The following METTL4 variants were observed in gnomAD, a reference collection of about 807,000 sequenced individuals.
METTL4 encodes methyltransferase 4, N6-adenosine, also known as N(6)-adenine-specific methyltransferase METTL4.
A neutral mutation model predicts 54.0 loss-of-function variants in METTL4; 40 were observed. That is an observed-to-expected ratio of 0.74 (90% confidence interval 0.58 to 0.96). The LOEUF (loss-of-function observed/expected upper bound fraction) is 0.96, where lower values mean the gene tolerates loss of function less well. Among genes scored for constraint, METTL4 ranks in the 50% least tolerant of loss-of-function variants. METTL4 has a pLI of 0.00. For missense variants in METTL4, 525 were observed against 549.0 expected, an observed-to-expected ratio of 0.96 and a Z score of 0.44; for synonymous variants, 169 against 183.8, an observed-to-expected ratio of 0.92 and a Z score of 0.65.
At chr18:2,557,180 G>C (rs2072251240) in intron 3 of METTL4, among the ~76,000 whole-genome samples, 1 of 152,056 alleles carries the variant, frequency 6.6e-6, no homozygotes, top group African/African-American at 2.4e-5. Context: ...ATATCAGAGA[G>C]GAAAGGGCTC....
At position 2,538,948 on chromosome 18, in the gene METTL4, G is replaced by T; in HGVS notation, c.*52C>A. On this transcript the variant is annotated 3_prime_UTR_variant, in exon 9 of 9. Transcript: ENST00000574538. ...ATAAAAAAATGACTTAGAATTAAGGGAAAAGTGGTGAGGAAACAATGAAGA... is the reference window on the plus strand; with the variant it reads ...ATAAAAAAATGACTTAGAATTAAGGTAAAAGTGGTGAGGAAACAATGAAGA... 7 of 1,567,566 alleles carry T rather than the reference G, an allele frequency of 4.5e-6. No individual in the cohort carries two copies. Among genetic ancestry groups the T allele is most frequent in the Non-Finnish European group, 6.1e-6 (7 of 1,153,320 alleles).
At chr18:2,544,577 G>A in intron 7 of METTL4, 76 bp downstream of exon 7, 1 of 963,300 alleles carries the variant, frequency 1.0e-6, no homozygotes. Context: ...ATTTTAAAAA[G>A]TCAATGATTA....
Position 2,547,545 on chromosome 18 carries a change from A to C in METTL4, c.900-16T>G, listed in dbSNP as rs763459238. On this transcript the variant is annotated splice_polypyrimidine_tract_variant and intron_variant, in intron 5 of 8. Transcript: ENST00000574538. ...ATAACTGTACCTAAAAATAAACGGA[A>C]AAAAGGATGAGCAAAATTCACTGCA... 5.2e-5 allele frequency: 80 copies of C among 1,547,162 alleles called. No homozygotes were observed. Among genetic ancestry groups the C allele is most frequent in the Non-Finnish European group, 6.7e-5 (77 of 1,145,544 alleles).
intron 3 of METTL4, among the ~76,000 whole-genome samples, chr18:2,557,064 G>C (rs1203255949): frequency 1.3e-5 from 2 of 152,124 alleles, no homozygotes; most frequent in Non-Finnish European, 2.9e-5. Context: ...AAATTGCCTG[G>C]AGAGAGTTTC....
chr18:2,564,166 G>A (rs772014691), intron 2 of METTL4, among the ~76,000 whole-genome samples: 1 of 152,078 alleles, frequency 6.6e-6, no homozygotes, highest in Non-Finnish European at 1.5e-5. Flanking sequence ...CACTTTGGGA[G>A]GCCAAGGCGG....
intron 5 of METTL4, 114 bp downstream of exon 5, chr18:2,552,580 CA>C: frequency 1.5e-6 from 1 of 688,220 alleles, no homozygotes; most frequent in Non-Finnish European, 2.5e-6. Context: ...CTATTGAAAG[CA>C]TTTTAGTAGT....
At chr18:2,544,569 T>C in intron 7 of METTL4, 84 bp downstream of exon 7, 1 of 925,936 alleles carries the variant, frequency 1.1e-6, no homozygotes, top group Non-Finnish European at 1.7e-6. Context: ...ACATAAACAT[T>C]TTAAAAAGTC....
intron 8 of METTL4, among the ~76,000 whole-genome samples, chr18:2,543,083 C>T (rs1309824803): frequency 7.2e-6 from 1 of 139,772 alleles, no homozygotes; most frequent in Non-Finnish European, 1.5e-5. Flanking sequence ...AAGATCAGGC[C>T]ACTGTATGTG....
chr18:2,540,122 G>A, intron 8 of METTL4: 1 of 983,978 alleles, frequency 1.0e-6, no homozygotes, highest in Non-Finnish European at 1.2e-6. Context: ...GTATTTTGTT[G>A]GGGAAAGAGC....
chr18:2,544,395 A>T, intron 7 of METTL4, 109 bp from the exon 8 acceptor site: 1 of 749,304 alleles, frequency 1.3e-6, no homozygotes, highest in East Asian at 2.8e-5. Context: ...TTTTAACACA[A>T]ATTTTACAAT....
At chr18:2,565,050 G>A (rs889397668) in intron 2 of METTL4, among the ~76,000 whole-genome samples, 2 of 152,144 alleles carry the variant, frequency 1.3e-5, no homozygotes, top group African/African-American at 4.8e-5. Context: ...CACTTTGGGA[G>A]GCCGAGGCAG....
At chr18:2,556,167 A>C (rs1158671413) in intron 3 of METTL4, among the ~76,000 whole-genome samples, 7 of 152,160 alleles carry the variant, frequency 4.6e-5, no homozygotes, top group African/African-American at 1.7e-4. Context: ...AACCAGATGA[A>C]ATGACCCGAG....
intron 3 of METTL4, 64 bp downstream of exon 3, chr18:2,563,733 T>C (rs1188372523): frequency 4.3e-6 from 5 of 1,167,366 alleles, no homozygotes; most frequent in Admixed American, 2.2e-5. Flanking sequence ...ATTTATGTTG[T>C]CCATTTATTT....
At chr18:2,552,281 T>C (rs2072173767) in intron 5 of METTL4, among the ~76,000 whole-genome samples, 1 of 152,142 alleles carries the variant, frequency 6.6e-6, no homozygotes, top group South Asian at 2.1e-4. Flanking sequence ...GTAAATAACT[T>C]ATCGCCCTAA....
Position 2,554,799 on chromosome 18 carries a change from T to C in METTL4, c.699A>G (p.Leu233=). Residue 233 remains leucine (L), a synonymous_variant, in exon 4 of 9, where the codon TTA becomes TTG. Coordinates refer to ENST00000574538, the MANE Select transcript of METTL4 (RefSeq NM_022840.5). ...EEDTSVTEQD[L]FLRVVENNSS... ...AGTTGTTTTCAACAACTCGCAAAAA[T>C]AAATCCTGTTCTGTAACAGATGTAT... 1 of 1,613,866 alleles carries C rather than the reference T, an allele frequency of 6.2e-7. No individual in the cohort carries two copies. Among genetic ancestry groups the C allele is most frequent in the Non-Finnish European group, 8.5e-7 (1 of 1,179,864 alleles).
intron 8 of METTL4, chr18:2,540,385 G>A (rs2071977145): frequency 1.0e-6 from 1 of 979,264 alleles, no homozygotes; most frequent in African/African-American, 1.7e-5. Flanking sequence ...TCAAATTTAG[G>A]AATGATAAGG....
At chr18:2,568,685 G>A (rs1476544571) in intron 1 of METTL4, 4 of 151,276 alleles carry the variant, frequency 2.6e-5, no homozygotes, top group Non-Finnish European at 5.9e-5. Context: ...CCAGGAGGGA[G>A]AGGTTGCAGT....
At chr18:2,544,787 G>A in intron 6 of METTL4, 28 bp from the exon 7 acceptor site, 1 of 1,499,072 alleles carries the variant, frequency 6.7e-7, no homozygotes, top group Non-Finnish European at 9.3e-7. Flanking sequence ...ACAAAAGAGG[G>A]TTATTTTTTC....
At chr18:2,544,596 T>G (rs1162902743) in intron 7 of METTL4, 57 bp downstream of exon 7, 2 of 1,140,890 alleles carry the variant, frequency 1.8e-6, no homozygotes, top group Non-Finnish European at 2.6e-6. Flanking sequence ...TACTAATCAT[T>G]TTTAAAAGCG....
Sources: gnomAD v4.1 joint callset for allele counts (sites outside exome capture counted in the v4.1 genomes callset) on GRCh38, gnomAD v4.1.1 for gene constraint, MANE v1.5 for transcripts, NCBI Gene and HGNC (gene_info 2026-07-23, HGNC 2026-07-21) for gene names.